USP5: variants seen among roughly 807,000 people sequenced by gnomAD.
The protein encoded by USP5 is ubiquitin specific peptidase 5, also known as ubiquitin carboxyl-terminal hydrolase 5.
A neutral mutation model predicts 102.5 loss-of-function variants in USP5; 24 were observed. That is an observed-to-expected ratio of 0.23 (90% CI 0.17 to 0.33). USP5 has a LOEUF of 0.33. Ranked by LOEUF, USP5 falls within the 10% of genes least tolerant of loss-of-function variation. USP5 has a pLI of 1.00. For missense variants in USP5, 753 were observed against 1,122.1 expected (o/e 0.67, Z 4.70); for synonymous variants, 460 against 434.8 (o/e 1.06, Z -0.72).
At position 6,861,592 on chromosome 12, in the gene USP5, C is replaced by T. The variant is rs1565532768; in HGVS notation, c.1648C>T (p.Leu550=). 4 of 1,578,768 alleles carry T rather than the reference C, an allele frequency of 2.5e-6. No individual in the cohort carries two copies. The highest frequency in any genetic ancestry group is 4.5e-5 in the East Asian group (2 of 43,962). Residue 550 remains leucine, a synonymous_variant, in exon 13 of 20, where the codon CTG becomes TTG. Coordinates refer to ENST00000229268, the MANE Select transcript of USP5 (RefSeq NM_001098536.2). The surrounding 1 kb of genome is among the most constrained non-coding windows in gnomAD (Gnocchi z 4.9). ...EQVDDFWSTA[L]QAKSVAVKTT... is the part of the protein sequence containing the mutation. ...GGTCGATGACTTCTGGAGCACGGCC[C>T]TGCAGGCCAAGTCAGTAGCTGTCAA...
rs1461737912 is a variant in USP5 at position 6,866,395 on chromosome 12, A to AG, written c.*322dup. 3 of 336,644 alleles carry AG rather than the reference A, an allele frequency of 8.9e-6. No individual in the cohort carries two copies. Among genetic ancestry groups the AG allele is most frequent in the African/African-American group, 4.3e-5 (2 of 46,220 alleles). 20.9% of individuals were successfully genotyped at this position (336,644 alleles called of 1,614,324 possible). A position where few individuals can be genotyped will look rare whatever the true frequency, so the allele number is the denominator to read the frequency against. ...CCGCCCAGCCCCCTGGTGTGGAGGG[A>AG]GGGGTCTCGTTTGTGCGCGTGGGTG... is the stretch of plus-strand genomic sequence containing the variant. On this transcript the variant is annotated 3_prime_UTR_variant, in exon 20 of 20. Transcript: ENST00000229268. The surrounding 1 kb of genome is among the most constrained non-coding windows in gnomAD (Gnocchi z 4.7).
chr12:6,852,329 C>G, intron 1 of USP5, 39 bp downstream of exon 1: 1 of 1,567,938 alleles, frequency 6.4e-7, no homozygotes, highest in Non-Finnish European at 8.7e-7. Flanking sequence ...GCACGACTTC[C>G]TTCCATCGCC....
At position 6,856,639 on chromosome 12, in the gene USP5, C is replaced by T. The variant is rs528919369; in HGVS notation, c.585-68C>T. ...TGGATTGGCGGGGGGCCTGCAGAGC[C>T]CTCTCTCTCTGCCACTCCCTCAAAT... On this transcript the variant is annotated intron_variant, in intron 5 of 19. Coordinates refer to ENST00000229268, the MANE Select transcript of USP5 (RefSeq NM_001098536.2). The surrounding 1 kb of genome is among the most constrained non-coding windows in gnomAD (Gnocchi z 5.6). 5.0e-4 allele frequency: 789 copies of T among 1,573,776 alleles called. No individual in the cohort carries two copies. Among genetic ancestry groups the T allele is most frequent in the Non-Finnish European group, 6.5e-4 (759 of 1,159,090 alleles).
chr12:6,857,825 T>A, intron 7 of USP5, 102 bp downstream of exon 7: 1 of 1,129,600 alleles, frequency 8.9e-7, no homozygotes, highest in Non-Finnish European at 1.3e-6. Context: ...ATCTTCTAGT[T>A]AACCCCATCC....
rs1555127873 is a variant in USP5, at chr12:6,855,367, C to A, written c.112-34C>A. On this transcript the variant is annotated intron_variant, in intron 1 of 19. Coordinates refer to ENST00000229268, the MANE Select transcript of USP5 (RefSeq NM_001098536.2). This position sits in a 1 kb window ranked among gnomAD's most constrained non-coding sequence, Gnocchi z 4.6. ...CTCACCTGACCAGGCTTCATAACAT[C>A]CTCGTGTTTTCACCCTTACCTCTTG... 1 of 1,610,486 alleles carries A rather than the reference C, an allele frequency of 6.2e-7. No individual in the cohort carries two copies. The highest frequency in any genetic ancestry group is 8.5e-7 in the Non-Finnish European group (1 of 1,178,670).
In USP5 at chr12:6,858,567, C is replaced by T. The variant is rs1555128855; in HGVS notation, c.1008C>T (p.Tyr336=). ...TGIRNLGNSC[Y]LNSVVQVLFS... Reference sequence around the variant, plus strand: ...TCCGGAACCTGGGTAACAGCTGCTACCTCAACTCTGTGGTCCAGGTGCTCT... The same window carrying T: ...TCCGGAACCTGGGTAACAGCTGCTATCTCAACTCTGTGGTCCAGGTGCTCT... The change falls in exon 8 of 20, where the codon TAC becomes TAT. Residue 336 remains tyrosine, a synonymous_variant. Transcript: ENST00000229268. The surrounding 1 kb of genome is among the most constrained non-coding windows in gnomAD (Gnocchi z 4.2). The T allele has an allele frequency of 2.5e-6, 4 of 1,613,464 alleles. No individual in the cohort carries two copies. Among genetic ancestry groups the T allele is most frequent in the East Asian group, 4.5e-5 (2 of 44,854 alleles).
In USP5 at chr12:6,858,859, A is replaced by T; in HGVS notation, c.1058+242A>T. 3.1e-6 allele frequency: 1 copy of T among 326,052 alleles called. No homozygotes were observed. Among genetic ancestry groups the T allele is most frequent in the Non-Finnish European group, 5.7e-6 (1 of 174,008 alleles). The allele number at this position is 326,052 out of a possible 1,614,324, so 20.2% of individuals were successfully genotyped here. A position where few individuals can be genotyped will look rare whatever the true frequency, so the allele number is the denominator to read the frequency against. ...CATAGCGAGACCCTGTCTTCTCTTA[A>T]AAAAAAAAAAGAATAATTCCTGTCA... On this transcript the variant is annotated intron_variant, in intron 8 of 19. Coordinates refer to ENST00000229268, the MANE Select transcript of USP5 (RefSeq NM_001098536.2). The surrounding 1 kb of genome is among the most constrained non-coding windows in gnomAD (Gnocchi z 4.2).
In USP5 at chr12:6,855,910, T is replaced by C. The variant is rs145192789; in HGVS notation, c.304+89T>C. 789 of 1,605,566 alleles carry C rather than the reference T, an allele frequency of 4.9e-4. 7 individuals are homozygous for C. The African/African-American group carries it at 9.2e-3, about 19-fold the overall frequency. ...GGAAAGCCCCAAAGAGTGGGCCTGA[T>C]TGATGGCCCTAGAACTCTGGATGGG... On this transcript the variant is annotated intron_variant, in intron 3 of 19. Transcript: ENST00000229268. This position sits in a 1 kb window ranked among gnomAD's most constrained non-coding sequence, Gnocchi z 4.6.
chr12:6,863,419 T>C lies in USP5; in HGVS notation c.1954+42T>C, dbSNP rs1555130012. On this transcript the variant is annotated intron_variant, in intron 15 of 19. Coordinates refer to ENST00000229268, the MANE Select transcript of USP5 (RefSeq NM_001098536.2). This position sits in a 1 kb window ranked among gnomAD's most constrained non-coding sequence, Gnocchi z 4.7. Reference sequence around the variant, plus strand: ...CCTGCCTGTCTCTCTCCCGTGCTGATGGGGGCCTCTCTGCCTTGCATCCCC... The same window carrying C: ...CCTGCCTGTCTCTCTCCCGTGCTGACGGGGGCCTCTCTGCCTTGCATCCCC... 6 of 1,586,610 alleles carry C rather than the reference T, an allele frequency of 3.8e-6. No homozygotes were observed. The African/African-American group carries it at 4.0e-5, about 11-fold the overall frequency.
In USP5 at chr12:6,860,480, A is replaced by C. The variant is rs149515919; in HGVS notation, c.1333A>C (p.Asn445His). Residue 445 changes from asparagine to histidine, a missense_variant, in exon 11 of 20, where the codon AAC (asparagine) becomes CAC (histidine). By Grantham distance (68) the Asn-to-His change is moderately conservative. Transcript: ENST00000229268. This position sits in a 1 kb window ranked among gnomAD's most constrained non-coding sequence, Gnocchi z 5.5. ...CCAGGAGTTCTTCCTTCACCTTATC[A>C]ACATGGTGGAGGTAAGGGCTGGCAA... ...DAQEFFLHLI[N>H]MVERNCRSSE... 2.2e-4 allele frequency: 347 copies of C among 1,613,802 alleles called. No individual in the cohort carries two copies. The highest frequency in any genetic ancestry group is 2.7e-4 in the Non-Finnish European group (324 of 1,180,010).
Position 6,855,472 on chromosome 12 carries a change from T to C in USP5, c.183T>C (p.His61=), listed in dbSNP as rs781953874. The C allele has an allele frequency of 1.9e-6, 3 of 1,614,106 alleles. No individual in the cohort carries two copies. The highest frequency in any genetic ancestry group is 2.5e-6 in the Non-Finnish European group (3 of 1,180,038). ...LGFGKQYVER[H]FNKTGQRVYL... is the part of the protein sequence containing the mutation. The stretch of plus-strand genomic sequence containing the variant: ...TTGGGAAACAGTATGTGGAGAGACA[T>C]TTCAATAAGACCGGCCAGCGAGTCT... The change falls in exon 2 of 20, where the codon CAT becomes CAC. Residue 61 remains histidine (H), a synonymous_variant. Coordinates refer to ENST00000229268, the MANE Select transcript of USP5 (RefSeq NM_001098536.2). This position sits in a 1 kb window ranked among gnomAD's most constrained non-coding sequence, Gnocchi z 4.6.
intron 1 of USP5, among the ~76,000 whole-genome samples, chr12:6,854,357 C>T (rs782536293): frequency 4.2e-4 from 64 of 152,192 alleles, no homozygotes; most frequent in African/African-American, 1.2e-3. Context: ...CTGTGAGTCC[C>T]TAACAAGTCA....
chr12:6,853,782 C>G (rs1280984670), intron 1 of USP5, among the ~76,000 whole-genome samples: 1 of 152,178 alleles, frequency 6.6e-6, no homozygotes, highest in African/African-American at 2.4e-5. Flanking sequence ...TCAAATTGGG[C>G]TCATGGTAGA....
chr12:6,856,265 A>C lies in USP5; in HGVS notation c.439-40A>C. On this transcript the variant is annotated intron_variant, in intron 4 of 19. Coordinates refer to ENST00000229268, the MANE Select transcript of USP5 (RefSeq NM_001098536.2). The surrounding 1 kb of genome is among the most constrained non-coding windows in gnomAD (Gnocchi z 5.6). ...CAAGGGGAAGAGGGGCATGTGGGGC[A>C]GGGGGTTGGGTATTGCCTCTGACCC... The C allele has an allele frequency of 3.1e-6, 5 of 1,604,854 alleles. No individual in the cohort carries two copies. Among genetic ancestry groups the C allele is most frequent in the Non-Finnish European group, 3.4e-6 (4 of 1,174,306 alleles).
intron 18 of USP5, 139 bp from the exon 19 acceptor site, chr12:6,865,025 G>A: frequency 7.6e-7 from 1 of 1,320,904 alleles, no homozygotes; most frequent in Non-Finnish European, 1.0e-6. Flanking sequence ...CTCTGACATG[G>A]AGACAGGCTC....
At position 6,864,129 on chromosome 12, in the gene USP5, C is replaced by CTG; in HGVS notation, c.2183_2184dup (p.Thr729Ter). On this transcript the variant is annotated frameshift_variant, in exon 17 of 20. Coordinates refer to ENST00000229268, the MANE Select transcript of USP5 (RefSeq NM_001098536.2). LOFTEE classifies it high-confidence loss of function. The surrounding 1 kb of genome is among the most constrained non-coding windows in gnomAD (Gnocchi z 4.8). The stretch of plus-strand genomic sequence containing the variant: ...CAGCAGCCGACCCCCCTCCTGAGGA[C>CTG]TGTGTGACCACCATTGTCTCCATGG... 1 of 1,614,114 alleles carries CTG rather than the reference C, an allele frequency of 6.2e-7. No individual in the cohort carries two copies. Among genetic ancestry groups the CTG allele is most frequent in the Non-Finnish European group, 8.5e-7 (1 of 1,179,988 alleles).
chr12:6,864,147 C>T lies in USP5; in HGVS notation c.2196C>T (p.Val732=). Residue 732 remains valine (V), a synonymous_variant, in exon 17 of 20, where the codon GTC becomes GTT. Coordinates refer to ENST00000229268, the MANE Select transcript of USP5 (RefSeq NM_001098536.2). The surrounding 1 kb of genome is among the most constrained non-coding windows in gnomAD (Gnocchi z 4.8). ...CTGAGGACTGTGTGACCACCATTGT[C>T]TCCATGGGCTTCTCCCGGGACCAGG... ...PPPEDCVTTI[V]SMGFSRDQAL... is the part of the protein sequence containing the mutation. The T allele has an allele frequency of 6.2e-7, 1 of 1,613,932 alleles. No individual in the cohort carries two copies. The highest frequency in any genetic ancestry group is 8.5e-7 in the Non-Finnish European group (1 of 1,179,876).
In USP5 at chr12:6,860,422, C is replaced by T; in HGVS notation, c.1275C>T (p.His425=). Residue 425 remains histidine (H), a synonymous_variant, in exon 11 of 20, where the codon CAC becomes CAT. Coordinates refer to ENST00000229268, the MANE Select transcript of USP5 (RefSeq NM_001098536.2). This position sits in a 1 kb window ranked among gnomAD's most constrained non-coding sequence, Gnocchi z 5.5. ...RMFKALIGKG[H]PEFSTNRQQD... is the part of the protein sequence containing the mutation. ...TCAAGGCCCTCATCGGCAAGGGCCACCCTGAATTCTCCACCAACCGGCAGC... is the reference window on the plus strand; with the variant it reads ...TCAAGGCCCTCATCGGCAAGGGCCATCCTGAATTCTCCACCAACCGGCAGC... 1 of 1,614,166 alleles carries T rather than the reference C, an allele frequency of 6.2e-7. No homozygotes were observed. Among genetic ancestry groups the T allele is most frequent in the South Asian group, 1.1e-5 (1 of 91,084 alleles).
intron 1 of USP5, among the ~76,000 whole-genome samples, chr12:6,852,645 C>A (rs1457416694): frequency 5.3e-5 from 8 of 152,248 alleles, no homozygotes; most frequent in African/African-American, 1.9e-4. Context: ...CTGCCGCGCA[C>A]GGCTCTCCGG....
Sources: gnomAD v4.1 joint callset for allele counts (sites outside exome capture counted in the v4.1 genomes callset) on GRCh38, gnomAD v4.1.1 for gene constraint, Gnocchi (gnomAD v3.1) non-coding constraint, MANE v1.5 for transcripts, NCBI Gene and HGNC (gene_info 2026-07-23, HGNC 2026-07-21) for gene names.